RBFOX1: variants seen among roughly 807,000 people sequenced by gnomAD.
RBFOX1 encodes RNA binding protein fox-1 homolog 1.
A neutral mutation model predicts 57.7 loss-of-function variants in RBFOX1; 8 were observed. The ratio of observed to expected loss-of-function variants is 0.14; its 90% CI spans 0.08 to 0.25. The LOEUF (loss-of-function observed/expected upper bound fraction) is 0.25. Among genes scored for constraint, RBFOX1 ranks in the 10% least tolerant of loss-of-function variants. The pLI, the probability that RBFOX1 is intolerant of heterozygous loss-of-function variation, is 1.00. For synonymous variants in RBFOX1, 326 were observed against 222.4 expected (o/e 1.47, Z -4.15); for missense variants, 611 against 548.5 (o/e 1.11, Z -1.14).
chr16:5,761,831 T>A (rs796220817), intron 3 of RBFOX1, among the ~76,000 whole-genome samples: 7 of 152,306 alleles, frequency 4.6e-5, no homozygotes, highest in African/African-American at 1.7e-4. Context: ...AGCAGGTGAC[T>A]TGATGCTGGG....
chr16:6,424,199 A>G (rs1437388349), intron 2 of RBFOX1, among the ~76,000 whole-genome samples: 1 of 152,232 alleles, frequency 6.6e-6, no homozygotes, highest in African/African-American at 2.4e-5. Flanking sequence ...AGATTGCACC[A>G]CTGCACTGCA....
intron 4 of RBFOX1, among the ~76,000 whole-genome samples, chr16:7,341,664 C>T (rs2096893306): frequency 6.6e-6 from 1 of 151,910 alleles, no homozygotes; most frequent in Non-Finnish European, 1.5e-5. Flanking sequence ...TGACAGAGTT[C>T]CTGCTACATT....
chr16:6,604,131 T>C (rs1235690266), intron 2 of RBFOX1, among the ~76,000 whole-genome samples: 1 of 152,002 alleles, frequency 6.6e-6, no homozygotes, highest in Non-Finnish European at 1.5e-5. Flanking sequence ...CCCTTACTGT[T>C]GGCAGCATCC....
rs112779069 is a variant in RBFOX1, at chr16:7,304,297, GA to G, written c.28-213839del. ...TTAGATAACCAGCAAAATTAAAAAAGAAAAAAAAAAATTGTAGCGCCCAGGC... is the reference window on the plus strand; with the variant it reads ...TTAGATAACCAGCAAAATTAAAAAAGAAAAAAAAAATTGTAGCGCCCAGGC... On this transcript the variant is annotated intron_variant, in intron 4 of 15. Coordinates refer to ENST00000550418, the MANE Select transcript of RBFOX1 (RefSeq NM_018723.4). 1,182 of 846,238 alleles carry G rather than the reference GA, an allele frequency of 1.4e-3. 5 individuals are homozygous for G. The highest frequency in any genetic ancestry group is 4.1e-3 in the African/African-American group (219 of 53,076). The allele number at this position is 846,238 out of a possible 1,614,324, so 52.4% of individuals were successfully genotyped here.
intron 4 of RBFOX1, among the ~76,000 whole-genome samples, chr16:7,432,525 T>C (rs1410527536): frequency 6.6e-6 from 1 of 151,828 alleles, no homozygotes; most frequent in African/African-American, 2.4e-5. Context: ...TGCACAAACA[T>C]TTTTTTTATA....
intron 4 of RBFOX1, among the ~76,000 whole-genome samples, chr16:5,929,202 C>T (rs547057033): frequency 3.7e-4 from 57 of 152,248 alleles, no homozygotes; most frequent in Non-Finnish European, 7.4e-4. Context: ...TGGGCCTTCT[C>T]ACCCCTCCCC....
In RBFOX1 at chr16:7,449,382, C is replaced by T. The variant is rs137932061; in HGVS notation, c.28-68765C>T. Among the ~76,000 whole-genome samples the T allele has an allele frequency of 5.1e-4, 77 of 152,230 alleles. 1 individual carries two copies. The East Asian group carries it at 0.012, about 23-fold the overall frequency. On this transcript the variant is annotated intron_variant, in intron 4 of 15. Coordinates refer to ENST00000550418, the MANE Select transcript of RBFOX1 (RefSeq NM_018723.4). ...GAAAGTAGTCAGTGGGGGAGAATGG[C>T]AGTGAAAATAGATGGATGAATTCAG...
intron 13 of RBFOX1, chr16:7,671,575 T>TGTGTATGGCAATAAATTGCTGCAG (rs1568384711): frequency 6.2e-7 from 1 of 1,611,684 alleles, no homozygotes. Context: ...ATCAAGAGCC[T>TGTGTATGGCAATAAATTGCTGCAG]GTGTATGGCA....
chr16:5,635,787 G>T (rs1306951778), intron 3 of RBFOX1, among the ~76,000 whole-genome samples: 1 of 147,318 alleles, frequency 6.8e-6, no homozygotes, highest in African/African-American at 2.7e-5. Context: ...CTCAGATCCT[G>T]TTGATTTGTA....
chr16:6,779,881 ATATATATT>A (rs1276472451), intron 3 of RBFOX1, among the ~76,000 whole-genome samples: 1 of 15,510 alleles, frequency 6.4e-5, no homozygotes, highest in African/African-American at 3.0e-4. Flanking sequence ...ATATATATTT[ATATATATT>A]TATATATATT....
chr16:6,198,007 C>G (rs572401033), intron 1 of RBFOX1, among the ~76,000 whole-genome samples: 1 of 152,272 alleles, frequency 6.6e-6, no homozygotes, highest in East Asian at 1.9e-4. Flanking sequence ...ACACATTGGA[C>G]CAAAAGGTCT....
intron 1 of RBFOX1, among the ~76,000 whole-genome samples, chr16:5,259,956 CT>C (rs534212050): frequency 1.6e-3 from 249 of 152,220 alleles, no homozygotes; most frequent in African/African-American, 5.6e-3. Context: ...AATCTTAGCA[CT>C]TGGGAGGCTG....
chr16:6,382,223 G>C (rs1327586649), intron 2 of RBFOX1, among the ~76,000 whole-genome samples: 2 of 152,188 alleles, frequency 1.3e-5, no homozygotes, highest in Non-Finnish European at 2.9e-5. Context: ...ATTTTAGCCT[G>C]TGAGCCATAC....
chr16:7,173,395 A>G (rs2081076131), intron 4 of RBFOX1, among the ~76,000 whole-genome samples: 1 of 152,190 alleles, frequency 6.6e-6, no homozygotes, highest in African/African-American at 2.4e-5. Context: ...CAGAATTCAG[A>G]AACAACAGGG....
intron 14 of RBFOX1, among the ~76,000 whole-genome samples, chr16:7,700,575 A>G (rs894593452): frequency 6.6e-6 from 1 of 152,194 alleles, no homozygotes; most frequent in Admixed American, 6.5e-5. Flanking sequence ...AAGCACAATA[A>G]AAATTCTTAG....
chr16:6,942,675 G>A (rs1270613594), intron 3 of RBFOX1, among the ~76,000 whole-genome samples: 1 of 152,188 alleles, frequency 6.6e-6, no homozygotes, highest in African/African-American at 2.4e-5. Flanking sequence ...GATGGTGTCT[G>A]ACTTGGATGT....
At chr16:6,642,125 G>A (rs969133582) in intron 2 of RBFOX1, among the ~76,000 whole-genome samples, 1 of 152,136 alleles carries the variant, frequency 6.6e-6, no homozygotes, top group African/African-American at 2.4e-5. Flanking sequence ...GAAAAGAGAC[G>A]CCAAGCCAGG....
chr16:5,462,982 A>G (rs1460854014), intron 1 of RBFOX1, among the ~76,000 whole-genome samples: 2 of 152,244 alleles, frequency 1.3e-5, no homozygotes, highest in Non-Finnish European at 2.9e-5. Context: ...AAATTGATAC[A>G]TTTATAAAAA....
chr16:6,526,022 A>G (rs948461949), intron 2 of RBFOX1, among the ~76,000 whole-genome samples: 1 of 152,202 alleles, frequency 6.6e-6, no homozygotes, highest in Non-Finnish European at 1.5e-5. Context: ...GATTGGGAAA[A>G]ATGGAATTAA....
Sources: allele counts gnomAD v4.1 joint callset (sites outside exome capture counted in the v4.1 genomes callset), GRCh38; gene constraint gnomAD v4.1.1; transcripts MANE v1.5; gene names NCBI Gene and HGNC (gene_info 2026-07-23, HGNC 2026-07-21).